The following SLC24A4 variants were observed in gnomAD, a reference collection of about 807,000 sequenced individuals.
SLC24A4 encodes the protein sodium/potassium/calcium exchanger 4.
Under a neutral mutation model 79.0 loss-of-function variants are expected in SLC24A4, and 53 were observed. The ratio of observed to expected loss-of-function variants is 0.67; its 90% confidence interval spans 0.54 to 0.84. The LOEUF is 0.84. SLC24A4 is among the 40% of genes least tolerant of loss of function. The probability of loss-of-function intolerance (pLI) is 0.00; values close to 1 mark genes in which losing one functional copy is unlikely to be tolerated. For synonymous variants in SLC24A4, 323 were observed against 323.8 expected (o/e 1.00, Z 0.03); for missense variants, 731 against 822.0 (o/e 0.89, Z 1.35).
At chr14:92,379,724 G>A (rs1222972169) in intron 2 of SLC24A4, among the ~76,000 whole-genome samples, 4 of 152,196 alleles carry the variant, frequency 2.6e-5, no homozygotes, top group Admixed American at 2.6e-4. Context: ...GATGGAGCTC[G>A]GAGCTTGTTC....
At chr14:92,375,080 A>G (rs913780380) in intron 2 of SLC24A4, among the ~76,000 whole-genome samples, 4 of 152,238 alleles carry the variant, frequency 2.6e-5, no homozygotes, top group African/African-American at 9.6e-5. Context: ...AAATTAAACC[A>G]AAGACTAGAT....
intron 2 of SLC24A4, among the ~76,000 whole-genome samples, chr14:92,363,042 C>T (rs114958307): frequency 3.9e-5 from 6 of 152,124 alleles, no homozygotes; most frequent in Non-Finnish European, 7.3e-5. Context: ...GCTTGGAGCA[C>T]GCCAGTGGGT....
At chr14:92,379,229 C>T (rs1352617428) in intron 2 of SLC24A4, among the ~76,000 whole-genome samples, 2 of 152,198 alleles carry the variant, frequency 1.3e-5, no homozygotes, top group Non-Finnish European at 2.9e-5. Context: ...GGAAATCGAT[C>T]TTGAGTCTTG....
At chr14:92,443,241 T>C in intron 6 of SLC24A4, 159 bp from the exon 7 acceptor site, 1 of 701,166 alleles carries the variant, frequency 1.4e-6, no homozygotes, top group South Asian at 1.7e-5. Flanking sequence ...CTTGGTTTCA[T>C]TCTGTTCCCC....
chr14:92,486,724 T>G lies in SLC24A4; in HGVS notation c.1481T>G (p.Leu494Arg). ...IPDVIMGITF[L>R]AAGTSVPDCM... ...GATGTCATCATGGGCATTACTTTCC[T>G]GGCAGCAGGGACAAGTGTTCCAGAC... is the stretch of plus-strand genomic sequence containing the variant. Residue 494 changes from leucine (L) to arginine (R), a missense_variant, in exon 14 of 17, where the codon CTG (leucine) becomes CGG (arginine). Coordinates refer to ENST00000532405, the MANE Select transcript of SLC24A4 (RefSeq NM_153646.4). 6.2e-7 allele frequency: 1 copy of G among 1,614,192 alleles called. No individual in the cohort carries two copies. Among genetic ancestry groups the G allele is most frequent in the Non-Finnish European group, 8.5e-7 (1 of 1,180,034 alleles).
At chr14:92,408,487 A>G (rs1890529814) in intron 2 of SLC24A4, 1 of 949,262 alleles carries the variant, frequency 1.1e-6, no homozygotes, top group Non-Finnish European at 1.3e-6. Flanking sequence ...TGTTTTAATG[A>G]TGGCTGTGAG....
At chr14:92,429,286 A>C (rs1483294456) in intron 2 of SLC24A4, among the ~76,000 whole-genome samples, 1 of 151,996 alleles carries the variant, frequency 6.6e-6, no homozygotes, top group East Asian at 1.9e-4. Flanking sequence ...TGTCTGAGGT[A>C]TGGTGGTAGA....
intron 2 of SLC24A4, among the ~76,000 whole-genome samples, chr14:92,348,627 C>T (rs753120750): frequency 6.6e-6 from 1 of 152,206 alleles, no homozygotes; most frequent in Non-Finnish European, 1.5e-5. Context: ...TACTCTTACT[C>T]TGTCCATTGA....
At chr14:92,448,480 A>G (rs1892941088) in intron 9 of SLC24A4, among the ~76,000 whole-genome samples, 1 of 152,034 alleles carries the variant, frequency 6.6e-6, no homozygotes, top group South Asian at 2.1e-4. Flanking sequence ...TGAGGATATA[A>G]ATCCCACATT....
At chr14:92,367,631 C>G (rs1887927200) in intron 2 of SLC24A4, among the ~76,000 whole-genome samples, 1 of 152,226 alleles carries the variant, frequency 6.6e-6, no homozygotes, top group Non-Finnish European at 1.5e-5. Flanking sequence ...AGTAGCAAGC[C>G]TCTCAAGGAG....
intron 11 of SLC24A4, among the ~76,000 whole-genome samples, chr14:92,455,163 G>A (rs1893384484): frequency 6.6e-6 from 1 of 152,172 alleles, no homozygotes; most frequent in Non-Finnish European, 1.5e-5. Context: ...TGGAGAAGCC[G>A]GGTCCAGAAG....
At chr14:92,392,340 G>A (rs142959435) in intron 2 of SLC24A4, among the ~76,000 whole-genome samples, 4 of 151,892 alleles carry the variant, frequency 2.6e-5, no homozygotes, top group African/African-American at 4.8e-5. Context: ...CTGGGTCCCC[G>A]GATTTTGTCA....
chr14:92,480,394 C>T (rs1894999319), intron 12 of SLC24A4, among the ~76,000 whole-genome samples: 1 of 141,982 alleles, frequency 7.0e-6, no homozygotes, highest in Admixed American at 7.4e-5. Context: ...CCCGGGTTCA[C>T]GCCATTCTCC....
At chr14:92,448,976 G>T in intron 9 of SLC24A4, 98 bp from the exon 10 acceptor site, 11 of 1,468,370 alleles carry the variant, frequency 7.5e-6, no homozygotes, top group Non-Finnish European at 9.4e-6. Context: ...CTCCTGGGCT[G>T]TGCTGACTGC....
intron 2 of SLC24A4, among the ~76,000 whole-genome samples, chr14:92,381,440 G>A (rs1045957818): frequency 7.9e-5 from 12 of 152,154 alleles, no homozygotes; most frequent in African/African-American, 2.9e-4. Flanking sequence ...AGGACGGTGG[G>A]GAAAGGGGAG....
chr14:92,488,970 C>T (rs1340290844), intron 14 of SLC24A4, among the ~76,000 whole-genome samples: 4 of 152,128 alleles, frequency 2.6e-5, no homozygotes, highest in Non-Finnish European at 5.9e-5. Context: ...CAAAGGGTCT[C>T]TGTTAGGACC....
rs529242878 is a variant in SLC24A4, at chr14:92,394,015, GA to G, written c.242-39888del. Among the ~76,000 whole-genome samples the G allele has an allele frequency of 3.7e-3, 552 of 149,764 alleles. 3 individuals are homozygous for G. Among genetic ancestry groups the G allele is most frequent in the African/African-American group, 0.013 (521 of 40,872 alleles). The stretch of plus-strand genomic sequence containing the variant: ...GAAAGAGCGAGATTTGGTCCCAGAA[GA>G]AAAAAAAATTATAGAATGAGGTTTT... On this transcript the variant is annotated intron_variant, in intron 2 of 16. Transcript: ENST00000532405.
At chr14:92,433,863 G>A (rs766036977) in intron 2 of SLC24A4, 49 bp from the exon 3 acceptor site, 56 of 1,508,580 alleles carry the variant, frequency 3.7e-5, no homozygotes, top group South Asian at 5.6e-5. Context: ...GAGGTTTGTC[G>A]GGAGGCCCAT....
intron 2 of SLC24A4, among the ~76,000 whole-genome samples, chr14:92,422,067 C>T (rs1444950765): frequency 3.3e-5 from 5 of 152,232 alleles, no homozygotes; most frequent in Non-Finnish European, 5.9e-5. Context: ...ATTTTTTCCA[C>T]ATCCAGTGTC....
Sources: allele counts gnomAD v4.1 joint callset (sites outside exome capture counted in the v4.1 genomes callset), GRCh38; gene constraint gnomAD v4.1.1; transcripts MANE v1.5; gene names NCBI Gene and HGNC (gene_info 2026-07-23, HGNC 2026-07-21).